Variants in HAUS6 observed in about 807,000 individuals in gnomAD.
The protein encoded by HAUS6 is HAUS augmin-like complex subunit 6.
A neutral mutation model predicts 106.8 loss-of-function variants in HAUS6; 80 were observed. The observed-to-expected ratio is 0.75, with a 90% confidence interval of 0.63 to 0.90. The LOEUF is 0.90. Among genes scored for constraint, HAUS6 ranks in the 40% least tolerant of loss-of-function variants. HAUS6 has a pLI of 0.00. For synonymous variants in HAUS6, 356 were observed against 379.1 expected, an observed-to-expected ratio of 0.94 and a Z score of 0.71; for missense variants, 1,155 against 1,118.1, an observed-to-expected ratio of 1.03 and a Z score of -0.47.
At chr9:19,067,741 T>C (rs1285099428) in intron 12 of HAUS6, among the ~76,000 whole-genome samples, 2 of 152,140 alleles carry the variant, frequency 1.3e-5, no homozygotes, top group Admixed American at 6.6e-5. Flanking sequence ...CAGGCTGGAG[T>C]GCAATGGTGC....
chr9:19,083,904 T>C (rs1837223017), intron 7 of HAUS6, among the ~76,000 whole-genome samples: 1 of 151,758 alleles, frequency 6.6e-6, no homozygotes. Flanking sequence ...TATGCCTCAT[T>C]AAAAGCAAAA....
chr9:19,097,181 T>C (rs1205963007), intron 1 of HAUS6, among the ~76,000 whole-genome samples: 3 of 152,176 alleles, frequency 2.0e-5, no homozygotes, highest in South Asian at 2.1e-4. Flanking sequence ...ATTCAGGACA[T>C]AGGCATGGGC....
At chr9:19,063,970 A>ATTAT (rs751312846) in intron 12 of HAUS6, among the ~76,000 whole-genome samples, 36 of 135,794 alleles carry the variant, frequency 2.7e-4, no homozygotes, top group Admixed American at 2.0e-3. Flanking sequence ...CCTTTATTTT[A>ATTAT]TTTTTTTTTT....
intron 14 of HAUS6, among the ~76,000 whole-genome samples, chr9:19,061,961 TC>T (rs1406479395): frequency 6.6e-6 from 1 of 152,238 alleles, no homozygotes; most frequent in African/African-American, 2.4e-5. Context: ...ACCAAATTTT[TC>T]TTTCAGTGTC....
chr9:19,055,394 G>A lies in HAUS6; in HGVS notation c.*949C>T, dbSNP rs1836447398. On this transcript the variant is annotated 3_prime_UTR_variant, in exon 17 of 17. Transcript: ENST00000380502. ...GAGTGAGGCAGGAGACTGCAAGTGT[G>A]ACAAGTTATTTAACCCCAAGTTCAG... 1 of 152,206 alleles carries A rather than the reference G, an allele frequency of 6.6e-6. No individual in the cohort carries two copies. Among genetic ancestry groups the A allele is most frequent in the African/African-American group, 2.4e-5 (1 of 41,444 alleles). The allele number at this position is 152,206 out of a possible 1,614,324, so 9.4% of individuals were successfully genotyped here.
chr9:19,081,305 C>T (rs1837143926), intron 8 of HAUS6, among the ~76,000 whole-genome samples: 1 of 152,160 alleles, frequency 6.6e-6, no homozygotes, highest in Non-Finnish European at 1.5e-5. Context: ...AGTGAAAAGA[C>T]CATAAATTCA....
At position 19,056,197 on chromosome 9, in the gene HAUS6, A is replaced by C. The variant is rs1836464723; in HGVS notation, c.*146T>G. On this transcript the variant is annotated 3_prime_UTR_variant, in exon 17 of 17. Transcript: ENST00000380502. ...ATACTTTCCTTACCTAAAAATATTAAAGAAGGCTAAAAGGCATTAGGAATT... is the reference window on the plus strand; with the variant it reads ...ATACTTTCCTTACCTAAAAATATTACAGAAGGCTAAAAGGCATTAGGAATT... 3.8e-6 allele frequency: 2 copies of C among 520,330 alleles called. No individual in the cohort carries two copies. Among genetic ancestry groups the C allele is most frequent in the East Asian group, 5.7e-5 (2 of 35,018 alleles). 32.2% of individuals were successfully genotyped at this position (520,330 alleles called of 1,614,324 possible).
intron 11 of HAUS6, among the ~76,000 whole-genome samples, chr9:19,071,346 T>A: frequency 6.6e-6 from 1 of 151,976 alleles, no homozygotes; most frequent in East Asian, 1.9e-4. Flanking sequence ...TTAAAAGATA[T>A]GAAAGACAGA....
At position 19,056,044 on chromosome 9, in the gene HAUS6, C is replaced by CT. The variant is rs1474252048; in HGVS notation, c.*298dup. ...ACATAAGAAATAAGTTACACTACTA[C>CT]TTTGTCATTCACTTAATGCTTACAA... On this transcript the variant is annotated 3_prime_UTR_variant, in exon 17 of 17. Coordinates refer to ENST00000380502, the MANE Select transcript of HAUS6 (RefSeq NM_017645.5). 1 of 305,932 alleles carries CT rather than the reference C, an allele frequency of 3.3e-6. No homozygotes were observed. Among genetic ancestry groups the CT allele is most frequent in the African/African-American group, 2.1e-5 (1 of 46,698 alleles). 19.0% of individuals were successfully genotyped at this position (305,932 alleles called of 1,614,324 possible).
intron 1 of HAUS6, among the ~76,000 whole-genome samples, chr9:19,099,110 G>A (rs1200209350): frequency 1.3e-5 from 2 of 149,784 alleles, no homozygotes; most frequent in African/African-American, 2.4e-5. Flanking sequence ...CAAAGAGAAC[G>A]TATACGTATA....
At position 19,083,007 on chromosome 9, in the gene HAUS6, T is replaced by G. The variant is rs148389196; in HGVS notation, c.736A>C (p.Met246Leu). ...SLWASVNETL[M>L]FLEKEREVVS... Reference sequence around the variant, plus strand: ...ACTTCTCTCTCTTTTTCCAAAAACATGAGCGTTTCATTCACTGAAGCCCAC... The same window carrying G: ...ACTTCTCTCTCTTTTTCCAAAAACAGGAGCGTTTCATTCACTGAAGCCCAC... The change falls in exon 8 of 17, where the codon ATG becomes CTG. Residue 246 changes from methionine (M) to leucine (L), a missense_variant. Transcript: ENST00000380502. The G allele has an allele frequency of 1.3e-6, 2 of 1,588,072 alleles. No individual in the cohort carries two copies. Among genetic ancestry groups the G allele is most frequent in the South Asian group, 1.2e-5 (1 of 85,704 alleles).
At position 19,089,445 on chromosome 9, in the gene HAUS6, T is replaced by G; in HGVS notation, c.551A>C (p.Asp184Ala). The G allele has an allele frequency of 6.2e-7, 1 of 1,611,598 alleles. No individual in the cohort carries two copies. Residue 184 changes from aspartate (D) to alanine (A), a missense_variant, in exon 5 of 17, where the codon GAT becomes GCT. Transcript: ENST00000380502. ...TTCCTGATATTTTTGGGTAACACAA[T>G]CTTGTCTTTGCAAAATTTGTAAAAA... ...SRFLQILQRQDCVTQKYQENA... is the reference protein window; with the variant it reads ...SRFLQILQRQACVTQKYQENA...
Position 19,076,617 on chromosome 9 carries a change from G to C in HAUS6, c.1279C>G (p.Pro427Ala), listed in dbSNP as rs146741109. The C allele has an allele frequency of 9.1e-6, 14 of 1,545,002 alleles. No individual in the cohort carries two copies. The African/African-American group carries it at 1.2e-4, about 13-fold the overall frequency. The change falls in exon 11 of 17, where the codon CCT (proline) becomes GCT (alanine). Residue 427 changes from proline to alanine, a missense_variant. Transcript: ENST00000380502. ...AATAACCAACCTGGAAGTGAAGCAG[G>C]ATACTGACAAAGAATACTCTTTGCA... ...VYAKSILCQY[P>A]ASLPDAHKQH... is the part of the protein sequence containing the mutation.
Position 19,055,249 on chromosome 9 carries a change from G to C in HAUS6, c.*1094C>G, listed in dbSNP as rs902035371. 1 of 152,156 alleles carries C rather than the reference G, an allele frequency of 6.6e-6. No homozygotes were observed. The highest frequency in any genetic ancestry group is 1.5e-5 in the Non-Finnish European group (1 of 68,028). The allele number at this position is 152,156 out of a possible 1,614,324, so 9.4% of individuals were successfully genotyped here. A position where few individuals can be genotyped will look rare whatever the true frequency, so the allele number is the denominator to read the frequency against. On this transcript the variant is annotated 3_prime_UTR_variant, in exon 17 of 17. Transcript: ENST00000380502. ...GGTAGTGAGATGGGGTCTACAAAGGGTATTGTAGGTACTATCACCCTTCCA... is the reference window on the plus strand; with the variant it reads ...GGTAGTGAGATGGGGTCTACAAAGGCTATTGTAGGTACTATCACCCTTCCA...
chr9:19,077,996 G>C (rs1837048107), intron 10 of HAUS6, among the ~76,000 whole-genome samples, 180 bp downstream of exon 10: 1 of 151,998 alleles, frequency 6.6e-6, no homozygotes, highest in Admixed American at 6.6e-5. Flanking sequence ...GGAAGTTCAA[G>C]GTTACAACAA....
chr9:19,069,083 G>T (rs952519926), intron 12 of HAUS6, among the ~76,000 whole-genome samples: 42 of 152,054 alleles, frequency 2.8e-4, no homozygotes, highest in African/African-American at 8.9e-4. Flanking sequence ...AGGCTAAAGT[G>T]GGAAAAGGCT....
At chr9:19,092,284 C>G (rs1817767189) in intron 4 of HAUS6, among the ~76,000 whole-genome samples, 1 of 131,844 alleles carries the variant, frequency 7.6e-6, no homozygotes, top group African/African-American at 2.6e-5. Context: ...TGGTGTAACC[C>G]TGGTATTAAA....
intron 1 of HAUS6, among the ~76,000 whole-genome samples, chr9:19,098,036 C>T (rs545310950): frequency 4.7e-4 from 71 of 152,306 alleles, no homozygotes; most frequent in African/African-American, 1.6e-3. Context: ...ACTTCCTTAC[C>T]ATCTCTCAAA....
chr9:19,090,134 G>C (rs1191841707), intron 4 of HAUS6, among the ~76,000 whole-genome samples: 14 of 151,920 alleles, frequency 9.2e-5, no homozygotes. Context: ...CATTCAGCCT[G>C]ACACAACTAA....
Sources: allele counts gnomAD v4.1 joint callset (sites outside exome capture counted in the v4.1 genomes callset), GRCh38; gene constraint gnomAD v4.1.1; transcripts MANE v1.5; gene names NCBI Gene and HGNC (gene_info 2026-07-23, HGNC 2026-07-21).